The following DRC11L variants were observed in gnomAD, a reference collection of about 807,000 sequenced individuals.
The protein encoded by DRC11L is dynein regulatory complex subunit like-11.
chr7:151,193,975 G>A, the DRC11L span, among the ~76,000 whole-genome samples: 2 of 152,072 alleles, frequency 1.3e-5, no homozygotes, highest in African/African-American at 4.8e-5. Flanking sequence ...GGGGGTATAG[G>A]GCTGGTGGTC....
At chr7:151,193,632 C>G in the DRC11L span, 36 of 398,134 alleles carry the variant, frequency 9.0e-5, no homozygotes, top group Non-Finnish European at 1.4e-4. Context: ...TTCCCCAACA[C>G]CAGCAGGTCC....
chr7:151,194,277 A>AAGCC, the DRC11L span: 8 of 399,230 alleles, frequency 2.0e-5, no homozygotes, highest in African/African-American at 1.6e-4. Flanking sequence ...ACCGCATACA[A>AAGCC]AGCCACATTC....
the DRC11L span, among the ~76,000 whole-genome samples, chr7:151,198,080 G>C: frequency 6.7e-6 from 1 of 150,208 alleles, no homozygotes; most frequent in Non-Finnish European, 1.5e-5. Context: ...ATGCATGAGT[G>C]GATAGATGGA....
chr7:151,195,799 C>T, the DRC11L span: 1 of 394,680 alleles, frequency 2.5e-6, no homozygotes, highest in Non-Finnish European at 4.5e-6. Context: ...GTAGGGACAG[C>T]CCTGATGCCT....
chr7:151,191,545 T>C, the DRC11L span: 1 of 397,984 alleles, frequency 2.5e-6, no homozygotes, highest in Admixed American at 4.4e-5. Context: ...TCTGGTAATT[T>C]GTGGGAGCAG....
chr7:151,200,769 C>G, the DRC11L span, among the ~76,000 whole-genome samples: 101 of 152,346 alleles, frequency 6.6e-4, no homozygotes, highest in Non-Finnish European at 1.2e-3. Flanking sequence ...CCTACACCCC[C>G]TCCTCAGAAT....
At chr7:151,194,488 G>A in the DRC11L span, 1 of 399,070 alleles carries the variant, frequency 2.5e-6, no homozygotes, top group East Asian at 3.6e-5. Context: ...CCACAGAGTG[G>A]GAACAGGCAT....
chr7:151,203,386 C>G, the DRC11L span: 1 of 399,400 alleles, frequency 2.5e-6, no homozygotes, highest in Non-Finnish European at 4.4e-6. Flanking sequence ...GGGTGTCACC[C>G]CCGTTTACCT....
the DRC11L span, chr7:151,197,913 G>A: frequency 2.5e-6 from 1 of 398,890 alleles, no homozygotes; most frequent in Non-Finnish European, 4.4e-6. Flanking sequence ...GTCACTAAGT[G>A]AACAAAAGAT....
the DRC11L span, chr7:151,198,857 C>T: frequency 1.0e-5 from 4 of 399,020 alleles, no homozygotes; most frequent in Non-Finnish European, 1.3e-5. Flanking sequence ...TGTCAGGCCC[C>T]TCTGTCTCTA....
the DRC11L span, chr7:151,196,491 C>A: frequency 2.3e-5 from 9 of 399,398 alleles, no homozygotes; most frequent in African/African-American, 1.6e-4. Flanking sequence ...CTTCTCCTCC[C>A]GGAGGGTCTC....
the DRC11L span, chr7:151,204,472 T>C: frequency 5.2e-6 from 2 of 387,898 alleles, no homozygotes; most frequent in Non-Finnish European, 9.1e-6. Flanking sequence ...TCCCGCTAGC[T>C]GGCTGGGGGC....
chr7:151,204,342 C>T, the DRC11L span, among the ~76,000 whole-genome samples: 1 of 152,172 alleles, frequency 6.6e-6, no homozygotes, highest in Non-Finnish European at 1.5e-5. Flanking sequence ...CAGGGATATC[C>T]GTGGGGTGGC....
chr7:151,194,851 C>T, the DRC11L span, among the ~76,000 whole-genome samples: 1 of 152,244 alleles, frequency 6.6e-6, no homozygotes, highest in Non-Finnish European at 1.5e-5. Flanking sequence ...GTGAGGGGGA[C>T]AGGGGCCTCT....
the DRC11L span, chr7:151,196,689 C>T: frequency 5.0e-6 from 2 of 398,184 alleles, no homozygotes; most frequent in South Asian, 1.4e-4. Context: ...GGAGCCAGGC[C>T]CTGGCTGGTT....
chr7:151,195,327 A>C, the DRC11L span: 6 of 398,572 alleles, frequency 1.5e-5, no homozygotes, highest in Non-Finnish European at 2.7e-5. Context: ...CGACTTTCCC[A>C]AGGTCTCACA....
At chr7:151,204,741 C>G in the DRC11L span, 1 of 398,948 alleles carries the variant, frequency 2.5e-6, no homozygotes, top group Non-Finnish European at 4.4e-6. Flanking sequence ...GAAGGACTGC[C>G]GCTCCCGGTC....
chr7:151,199,184 CTG>C, the DRC11L span, among the ~76,000 whole-genome samples: 44 of 152,288 alleles, frequency 2.9e-4, no homozygotes, highest in East Asian at 8.3e-3. This position sits in a 1 kb window ranked among gnomAD's most constrained non-coding sequence, Gnocchi z 5.2. Context: ...TCGGGAGAAA[CTG>C]TGTTTGGAGC....
chr7:151,204,767 C>T, the DRC11L span: 1,257 of 399,058 alleles, frequency 3.1e-3, 10 homozygotes, highest in African/African-American at 0.023. Flanking sequence ...CAGGTTCGAG[C>T]AGAAGCTGCT....
Sources: allele counts gnomAD v4.1 joint callset (sites outside exome capture counted in the v4.1 genomes callset), GRCh38; gene constraint gnomAD v4.1.1; non-coding constraint Gnocchi (gnomAD v3.1); transcripts MANE v1.5; gene names NCBI Gene and HGNC (gene_info 2026-07-23, HGNC 2026-07-21).